ETFB: variants seen among roughly 807,000 people sequenced by gnomAD.
The protein encoded by ETFB is electron transfer flavoprotein subunit beta.
Under a neutral mutation model 25.6 loss-of-function variants are expected in ETFB, and 20 were observed. That is an observed-to-expected ratio of 0.78 (90% CI 0.55 to 1.14). The LOEUF (loss-of-function observed/expected upper bound fraction) is 1.14, where lower values mean the gene tolerates loss of function less well. Among genes scored for constraint, ETFB ranks in the 50% most tolerant of loss-of-function variants. The probability of loss-of-function intolerance (pLI) is 0.00; values close to 1 mark genes in which losing one functional copy is unlikely to be tolerated. For missense variants in ETFB, 286 were observed against 342.6 expected (o/e 0.83, Z 1.30); for synonymous variants, 142 against 146.7 (o/e 0.97, Z 0.23).
intron 1 of ETFB, among the ~76,000 whole-genome samples, chr19:51,357,306 T>G (rs1433859351): frequency 7.1e-6 from 1 of 140,310 alleles, no homozygotes; most frequent in African/African-American, 2.5e-5. Flanking sequence ...ACTCCTGACC[T>G]CAGGTGATCT....
chr19:51,356,548 T>A (rs532093478), intron 1 of ETFB: 13 of 152,296 alleles, frequency 8.5e-5, no homozygotes, highest in African/African-American at 3.1e-4. Context: ...CCCCACCCAT[T>A]TGCTTCTGCA....
chr19:51,345,574 C>T, intron 5 of ETFB, 193 bp from the exon 6 acceptor site: 1 of 629,070 alleles, frequency 1.6e-6, no homozygotes, highest in Admixed American at 2.5e-5. Context: ...GCTAGGAGGC[C>T]CTGGGAGGCC....
At chr19:51,362,349 G>A (rs971512518) in intron 1 of ETFB, among the ~76,000 whole-genome samples, 1 of 151,998 alleles carries the variant, frequency 6.6e-6, no homozygotes, top group African/African-American at 2.4e-5. Context: ...AGGCTGAGGC[G>A]GGTGGATTAC....
At chr19:51,362,497 C>T (rs995879851) in intron 1 of ETFB, among the ~76,000 whole-genome samples, 21 of 152,130 alleles carry the variant, frequency 1.4e-4, no homozygotes, top group African/African-American at 5.1e-4. Flanking sequence ...GTTGCTTGAA[C>T]CTGGGAAGTG....
chr19:51,366,177 G>A (rs972293091), intron 1 of ETFB, 93 bp downstream of exon 1: 62 of 1,261,378 alleles, frequency 4.9e-5, no homozygotes, highest in Non-Finnish European at 1.2e-5. Flanking sequence ...AGAGGTCGGG[G>A]GTTACGAGAA....
chr19:51,356,086 G>C (rs1986072749), intron 1 of ETFB: 1 of 151,144 alleles, frequency 6.6e-6, no homozygotes, highest in African/African-American at 2.4e-5. Flanking sequence ...AAAACTTAAA[G>C]TATAATAATA....
chr19:51,345,516 A>C, intron 5 of ETFB, 135 bp from the exon 6 acceptor site: 1 of 886,384 alleles, frequency 1.1e-6, no homozygotes, highest in Non-Finnish European at 1.8e-6. Context: ...TGGCCAGGAC[A>C]CGCGAAACTT....
At chr19:51,347,296 C>A in intron 4 of ETFB, 1 of 547,902 alleles carries the variant, frequency 1.8e-6, no homozygotes, top group Non-Finnish European at 3.3e-6. Context: ...GCCAGTGAGG[C>A]CTCCCTGCCT....
intron 4 of ETFB, chr19:51,347,512 C>T (rs73064991): frequency 7.1e-5 from 14 of 196,004 alleles, no homozygotes; most frequent in Non-Finnish European, 1.2e-4. Context: ...TGGCTCCCAA[C>T]GGCCCCCCGT....
chr19:51,362,523 T>G (rs1458423312), intron 1 of ETFB, among the ~76,000 whole-genome samples: 1 of 152,142 alleles, frequency 6.6e-6, no homozygotes, highest in Non-Finnish European at 1.5e-5. Context: ...TCCAGTGAGC[T>G]GAGATCATGC....
At position 51,366,342 on chromosome 19, in the gene ETFB, A is replaced by G. The variant is rs374376098; in HGVS notation, c.-16T>C. ...GCTCCGCCATCTTCCCGCCGCAGCC[A>G]CTTACAGGGTCAGCCCGCACCCTCA... On this transcript the variant is annotated 5_prime_UTR_variant, in exon 1 of 6. Transcript: ENST00000309244. 9.1e-5 allele frequency: 146 copies of G among 1,612,120 alleles called. No individual in the cohort carries two copies. Among genetic ancestry groups the G allele is most frequent in the Non-Finnish European group, 1.2e-4 (137 of 1,179,774 alleles).
intron 4 of ETFB, among the ~76,000 whole-genome samples, chr19:51,348,686 T>TA (rs57332596): frequency 1.2e-5 from 1 of 83,658 alleles, no homozygotes; most frequent in Admixed American, 1.1e-4. Context: ...CGAAGCTGTT[T>TA]AAAAAAAAAA....
Position 51,354,320 on chromosome 19 carries a change from G to A in ETFB, c.58-12C>T, listed in dbSNP as rs1440001995. Reference sequence around the variant, plus strand: ...GGCTTCACTCGGATCTGCCCAGCAGGAGGGGAAGGGGTGGGGTCAGGAGGA... The same window carrying A: ...GGCTTCACTCGGATCTGCCCAGCAGAAGGGGAAGGGGTGGGGTCAGGAGGA... On this transcript the variant is annotated splice_polypyrimidine_tract_variant and intron_variant, in intron 1 of 5. Coordinates refer to ENST00000309244, the MANE Select transcript of ETFB (RefSeq NM_001985.3). The A allele has an allele frequency of 5.0e-6, 8 of 1,614,178 alleles. No homozygotes were observed. The highest frequency in any genetic ancestry group is 1.6e-4 in the Middle Eastern group (1 of 6,062).
intron 1 of ETFB, among the ~76,000 whole-genome samples, chr19:51,359,315 A>T (rs1013881776): frequency 6.6e-6 from 1 of 151,236 alleles, no homozygotes; most frequent in African/African-American, 2.4e-5. Context: ...GCTTCAGCCT[A>T]CCAAAGTGAT....
At position 51,360,987 on chromosome 19, in the gene ETFB, G is replaced by A. The variant is rs544650189; in HGVS notation, c.57+5283C>T. 2.7e-4 allele frequency among the ~76,000 whole-genome samples: 41 copies of A among 151,922 alleles called. 1 individual carries two copies. Among genetic ancestry groups the A allele is most frequent in the Admixed American group, 6.6e-4 (10 of 15,266 alleles). ...TTTTTAGTAGAGACAAGGTCTCACCGTGTTAGCCAGGATGGTCTCAATCTC... is the reference window on the plus strand; with the variant it reads ...TTTTTAGTAGAGACAAGGTCTCACCATGTTAGCCAGGATGGTCTCAATCTC... On this transcript the variant is annotated intron_variant, in intron 1 of 5. Transcript: ENST00000309244.
In ETFB at chr19:51,345,282, G is replaced by T. The variant is rs761714465; in HGVS notation, c.697C>A (p.Arg233Ser). ...GTCTCCACCTTGACGCCGGCCGTGC[G>T]CTGGGGCGGGTCCTCCACACTGATC... ...SVISVEDPPQ[R>S]TAGVKVETTE... Residue 233 changes from arginine to serine, a missense_variant, in exon 6 of 6, where the codon CGC (arginine) becomes AGC (serine). Arg to Ser is a moderately radical substitution (Grantham distance 110, BLOSUM62 -1). Transcript: ENST00000309244. The T allele has an allele frequency of 1.2e-6, 2 of 1,614,020 alleles. No homozygotes were observed. Among genetic ancestry groups the T allele is most frequent in the Non-Finnish European group, 1.7e-6 (2 of 1,180,036 alleles).
rs1599842088 is a variant in ETFB at position 51,353,235 on chromosome 19, A to C, written c.272T>G (p.Val91Gly). The C allele has an allele frequency of 6.2e-7, 1 of 1,613,958 alleles. No homozygotes were observed. Among genetic ancestry groups the C allele is most frequent in the African/African-American group, 1.3e-5 (1 of 74,994 alleles). Residue 91 changes from valine (V) to glycine (G), a missense_variant, in exon 3 of 6, where the codon GTG becomes GGG. Transcript: ENST00000309244. ...MGADRGIHVE[V>G]PPAEAERLGP... ...CAAGCGTTCTGCTTCTGCTGGGGGC[A>C]CCTCCACGTGGATACCTCGGTCTGC...
chr19:51,345,704 C>T, intron 5 of ETFB: 1 of 426,044 alleles, frequency 2.3e-6, no homozygotes, highest in Non-Finnish European at 4.4e-6. Context: ...GTTGAGATGG[C>T]ATGCTGAAGG....
intron 1 of ETFB, chr19:51,355,565 C>T (rs1191550724): frequency 6.6e-6 from 1 of 152,102 alleles, no homozygotes; most frequent in Non-Finnish European, 1.5e-5. Flanking sequence ...CTAGAAATAC[C>T]ATTTGACCCA....
Sources: allele counts gnomAD v4.1 joint callset (sites outside exome capture counted in the v4.1 genomes callset), GRCh38; gene constraint gnomAD v4.1.1; transcripts MANE v1.5; gene names NCBI Gene and HGNC (gene_info 2026-07-23, HGNC 2026-07-21).